Variants in EXD3 observed in about 807,000 individuals in gnomAD.
The protein encoded by EXD3 is exonuclease mut-7 homolog.
A neutral mutation model predicts 98.0 loss-of-function variants in EXD3; 92 were observed. The ratio of observed to expected loss-of-function variants is 0.94; its 90% confidence interval spans 0.79 to 1.12. EXD3 has a LOEUF of 1.12. Ranked by LOEUF, EXD3 falls within the 50% of genes most tolerant of loss-of-function variation. The probability of loss-of-function intolerance (pLI) is 0.00; values close to 1 mark genes in which losing one functional copy is unlikely to be tolerated. For missense variants in EXD3, 1,222 were observed against 1,191.6 expected (o/e 1.03, Z -0.38); for synonymous variants, 569 against 526.0 (o/e 1.08, Z -1.12).
Position 137,366,641 on chromosome 9 carries a change from G to T in EXD3, c.517-9C>A. On this transcript the variant is annotated splice_polypyrimidine_tract_variant and intron_variant, in intron 6 of 21. Coordinates refer to ENST00000340951, the MANE Select transcript of EXD3 (RefSeq NM_017820.5). ...AGCAGTGGGATGCTCATCTGCAGGG[G>T]GACACACGGTCAGGCCACAGCCTCC... 1 of 1,556,748 alleles carries T rather than the reference G, an allele frequency of 6.4e-7. No homozygotes were observed.
rs939010262 is a variant in EXD3, at chr9:137,347,592, C to T, written c.1998+479G>A. ...CTGAGTAGTTGGGATTACAGGCGCC[C>T]GCCACTACGCCTGGCTAATTTTTCT... is the stretch of plus-strand genomic sequence containing the variant. On this transcript the variant is annotated intron_variant, in intron 17 of 21. Transcript: ENST00000340951. The surrounding 1 kb of genome is among the most constrained non-coding windows in gnomAD (Gnocchi z 4.2). Among the ~76,000 whole-genome samples the T allele has an allele frequency of 1.3e-5, 2 of 152,008 alleles. No individual in the cohort carries two copies. Among genetic ancestry groups the T allele is most frequent in the South Asian group, 2.1e-4 (1 of 4,816 alleles).
intron 2 of EXD3, 119 bp from the exon 3 acceptor site, chr9:137,383,496 G>A (rs937002962): frequency 1.4e-6 from 1 of 713,644 alleles, no homozygotes; most frequent in South Asian, 1.9e-5. Flanking sequence ...GACCCGGGGG[G>A]CCGGGAACCC....
At chr9:137,411,762 G>T (rs867874713) in intron 1 of EXD3, among the ~76,000 whole-genome samples, 2 of 150,538 alleles carry the variant, frequency 1.3e-5, no homozygotes, top group African/African-American at 2.4e-5. Context: ...GGAGGGAGTC[G>T]GGGAGGCGGA....
rs555383988 is a variant in EXD3, at chr9:137,367,970, G to T, written c.482C>A (p.Thr161Lys). The T allele has an allele frequency of 8.7e-6, 14 of 1,611,410 alleles. No individual in the cohort carries two copies. In the Admixed American group the frequency reaches 2.0e-4, roughly 23 times the overall value. The change falls in exon 6 of 22, where the codon ACG (threonine) becomes AAG (lysine). Residue 161 changes from threonine to lysine, a missense_variant. Thr to Lys is a moderately conservative substitution (Grantham distance 78). Coordinates refer to ENST00000340951, the MANE Select transcript of EXD3 (RefSeq NM_017820.5). The stretch of plus-strand genomic sequence containing the variant: ...GCCAAGCTCCGACTGCAGCTTCAAC[G>T]TCGCGCCCAGCGTGGCTGCCTGGCA... ...RFREAATLGA[T>K]LKLQSELGVE...
chr9:137,381,436 A>G (rs1321700206), intron 3 of EXD3, among the ~76,000 whole-genome samples: 1 of 149,738 alleles, frequency 6.7e-6, no homozygotes, highest in African/African-American at 2.5e-5. Context: ...AAAAAAAAAA[A>G]AAAGACAGGA....
intron 1 of EXD3, among the ~76,000 whole-genome samples, chr9:137,398,994 C>T (rs377016205): frequency 1.1e-4 from 16 of 152,314 alleles, no homozygotes; most frequent in East Asian, 7.7e-4. Flanking sequence ...CCCCGTGACA[C>T]GCGTCCAACA....
intron 8 of EXD3, 91 bp from the exon 9 acceptor site, chr9:137,354,864 G>A: frequency 3.1e-6 from 4 of 1,272,520 alleles, no homozygotes; most frequent in Non-Finnish European, 4.3e-6. Flanking sequence ...CAGAGGGGCT[G>A]CGCCTGCCCC....
intron 1 of EXD3, among the ~76,000 whole-genome samples, chr9:137,411,935 C>T (rs1838023443): frequency 2.0e-5 from 3 of 152,200 alleles, no homozygotes; most frequent in South Asian, 4.1e-4. Flanking sequence ...GTGGGCCCTC[C>T]AGGTGGGCCT....
chr9:137,325,483 AG>A (rs1307595280), intron 17 of EXD3, among the ~76,000 whole-genome samples: 1 of 151,864 alleles, frequency 6.6e-6, no homozygotes, highest in Non-Finnish European at 1.5e-5. Flanking sequence ...CCCAGGCTGG[AG>A]TGCAGTGGCA....
chr9:137,354,618 A>G (rs1290260264), intron 9 of EXD3, 82 bp downstream of exon 9: 1 of 1,586,812 alleles, frequency 6.3e-7, no homozygotes, highest in Non-Finnish European at 8.5e-7. Flanking sequence ...TGCACCCTGC[A>G]GTGCGCAGTG....
Position 137,417,427 on chromosome 9 carries a change from C to G in EXD3, c.-48+5687G>C, listed in dbSNP as rs867035383. On this transcript the variant is annotated intron_variant, in intron 1 of 21. Coordinates refer to ENST00000340951, the MANE Select transcript of EXD3 (RefSeq NM_017820.5). ...CCACGGGTTCCGCGGCGCGGAGGCC[C>G]CTGCTGACCGCATCTGCACGGAGCC... Among the ~76,000 whole-genome samples the G allele has an allele frequency of 2.0e-5, 3 of 152,226 alleles. No homozygotes were observed. The South Asian group carries it at 6.2e-4, about 32-fold the overall frequency.
chr9:137,330,901 C>T (rs915658436), intron 17 of EXD3, among the ~76,000 whole-genome samples: 12 of 152,132 alleles, frequency 7.9e-5, no homozygotes, highest in South Asian at 6.2e-4. Flanking sequence ...CACTAAAAGA[C>T]GTCAAGACCA....
At position 137,347,589 on chromosome 9, in the gene EXD3, G is replaced by A. The variant is rs796388195; in HGVS notation, c.1998+482C>T. The stretch of plus-strand genomic sequence containing the variant: ...CTCCTGAGTAGTTGGGATTACAGGC[G>A]CCCGCCACTACGCCTGGCTAATTTT... On this transcript the variant is annotated intron_variant, in intron 17 of 21. Coordinates refer to ENST00000340951, the MANE Select transcript of EXD3 (RefSeq NM_017820.5). The surrounding 1 kb of genome is among the most constrained non-coding windows in gnomAD (Gnocchi z 4.2). Among the ~76,000 whole-genome samples, 107 of 151,760 alleles carry A rather than the reference G, an allele frequency of 7.1e-4. No homozygotes were observed. Among genetic ancestry groups the A allele is most frequent in the African/African-American group, 2.5e-3 (103 of 41,428 alleles).
rs771710735 is a variant in EXD3 at position 137,307,023 on chromosome 9, C to T, written c.2558G>A (p.Arg853Gln). Residue 853 changes from arginine to glutamine, a missense_variant, in exon 22 of 22, where the codon CGA becomes CAA. By Grantham distance (43) the Arg-to-Gln change is conservative. Coordinates refer to ENST00000340951, the MANE Select transcript of EXD3 (RefSeq NM_017820.5). ...SHLGRVATHF[R>Q]DMLESAPSPC... is the part of the protein sequence containing the mutation. ...GCTGGGGGCGCTCTCCAGCATGTCT[C>T]GGAAGTGGGTGGCAACACGACCCAG... 1.9e-5 allele frequency: 31 copies of T among 1,611,956 alleles called. No individual in the cohort carries two copies. In the Admixed American group the frequency reaches 2.7e-4, roughly 14 times the overall value.
chr9:137,406,146 G>A (rs764238447), intron 1 of EXD3, among the ~76,000 whole-genome samples: 1 of 151,646 alleles, frequency 6.6e-6, no homozygotes, highest in Non-Finnish European at 1.5e-5. Context: ...AGCCCAGGAG[G>A]TCAAGGCTGC....
At chr9:137,376,293 G>A (rs1835895497) in intron 3 of EXD3, among the ~76,000 whole-genome samples, 1 of 141,728 alleles carries the variant, frequency 7.1e-6, no homozygotes, top group Non-Finnish European at 1.5e-5. Context: ...GCAGTGAGCC[G>A]AGATTGTGCC....
chr9:137,332,671 G>A (rs545249806), intron 17 of EXD3, among the ~76,000 whole-genome samples: 71 of 150,892 alleles, frequency 4.7e-4, no homozygotes, highest in African/African-American at 8.1e-4. Flanking sequence ...GTGAAACCCC[G>A]TCTCTACTAA....
rs1708184536 is a variant in EXD3 at position 137,347,002 on chromosome 9, G to A, written c.1998+1069C>T. Among the ~76,000 whole-genome samples the A allele has an allele frequency of 6.6e-6, 1 of 152,118 alleles. No individual in the cohort carries two copies. The highest frequency in any genetic ancestry group is 2.1e-4 in the South Asian group (1 of 4,818). On this transcript the variant is annotated intron_variant, in intron 17 of 21. Transcript: ENST00000340951. This position sits in a 1 kb window ranked among gnomAD's most constrained non-coding sequence, Gnocchi z 4.2. ...AGCTAATTTTTGTATTTTTAGGAGAGACAGGGTTTCACCATCTTGGCCAGG... is the reference window on the plus strand; with the variant it reads ...AGCTAATTTTTGTATTTTTAGGAGAAACAGGGTTTCACCATCTTGGCCAGG...
intron 5 of EXD3, among the ~76,000 whole-genome samples, chr9:137,368,781 G>A (rs1432391322): frequency 1.3e-5 from 2 of 151,642 alleles, no homozygotes; most frequent in East Asian, 3.9e-4. Flanking sequence ...GCGCTGACCC[G>A]GCGCCTCTAC....
Sources: allele counts gnomAD v4.1 joint callset (sites outside exome capture counted in the v4.1 genomes callset), GRCh38; gene constraint gnomAD v4.1.1; non-coding constraint Gnocchi (gnomAD v3.1); transcripts MANE v1.5; gene names NCBI Gene and HGNC (gene_info 2026-07-23, HGNC 2026-07-21).